Variants in SGPP1 observed in about 807,000 individuals in gnomAD.
SGPP1 encodes the protein hSPP1.
In SGPP1, 21 loss-of-function variants were observed where a neutral mutation model predicts 33.0. The ratio of observed to expected loss-of-function variants is 0.64; its 90% CI spans 0.45 to 0.92. The LOEUF (loss-of-function observed/expected upper bound fraction) is 0.92. Among genes scored for constraint, SGPP1 ranks in the 40% least tolerant of loss-of-function variants. SGPP1 has a pLI of 0.00. For synonymous variants in SGPP1, 239 were observed against 241.2 expected, an observed-to-expected ratio of 0.99 and a Z score of 0.08; for missense variants, 543 against 589.4, an observed-to-expected ratio of 0.92 and a Z score of 0.81.
At chr14:63,718,205 G>A (rs1885673168) in intron 1 of SGPP1, among the ~76,000 whole-genome samples, 1 of 150,844 alleles carries the variant, frequency 6.6e-6, no homozygotes, top group Admixed American at 6.6e-5. Context: ...CCAAGATTGG[G>A]CCACTGTATG....
intron 1 of SGPP1, among the ~76,000 whole-genome samples, chr14:63,720,965 C>T (rs907788397): frequency 6.6e-5 from 10 of 152,144 alleles, no homozygotes; most frequent in Non-Finnish European, 4.4e-5. Flanking sequence ...TTCAAGCAAC[C>T]TCTGCCTCCC....
intron 1 of SGPP1, among the ~76,000 whole-genome samples, chr14:63,709,374 CAAA>C (rs1206188352): frequency 4.6e-5 from 4 of 87,052 alleles, no homozygotes; most frequent in Admixed American, 1.2e-4. Flanking sequence ...GTCTCTGTCT[CAAA>C]AAAAAAAAAA....
intron 2 of SGPP1, among the ~76,000 whole-genome samples, chr14:63,690,425 A>G (rs1182803262): frequency 6.6e-6 from 1 of 152,230 alleles, no homozygotes; most frequent in East Asian, 1.9e-4. Flanking sequence ...CATTGTTCTA[A>G]AAGAGATATA....
chr14:63,686,183 C>G lies in SGPP1; in HGVS notation c.1248G>C (p.Arg416=). The part of the protein sequence containing the change: ...RQHMEVELPY[R]YITYGMVGFS... ...AACCAACCATTCCATAGGTAATATACCGATAAGGAAGTTCAACTTCCATGT... is the reference window on the plus strand; with the variant it reads ...AACCAACCATTCCATAGGTAATATAGCGATAAGGAAGTTCAACTTCCATGT... The change falls in exon 3 of 3, where the codon CGG becomes CGC. Residue 416 remains arginine (R), a synonymous_variant. Transcript: ENST00000247225. 6.2e-7 allele frequency: 1 copy of G among 1,613,766 alleles called. No individual in the cohort carries two copies. Among genetic ancestry groups the G allele is most frequent in the Non-Finnish European group, 8.5e-7 (1 of 1,179,784 alleles).
At chr14:63,688,857 G>A (rs1245718190) in intron 2 of SGPP1, among the ~76,000 whole-genome samples, 2 of 151,994 alleles carry the variant, frequency 1.3e-5, no homozygotes, top group Admixed American at 6.5e-5. Flanking sequence ...GAGTAGCTGG[G>A]ACTACAGGCG....
rs143911616 is a variant in SGPP1, at chr14:63,712,472, G to T, written c.685-13814C>A. ...GACCACAGCTACTTGGATCAGGAAT[G>T]AACACTTGGCACTAGGGAAGCAAAA... On this transcript the variant is annotated intron_variant, in intron 1 of 2. Coordinates refer to ENST00000247225, the MANE Select transcript of SGPP1 (RefSeq NM_030791.4). Among the ~76,000 whole-genome samples the T allele has an allele frequency of 7.4e-4, 113 of 152,172 alleles. 1 individual carries two copies. The East Asian group carries it at 0.013, about 17-fold the overall frequency.
At chr14:63,712,199 ATTT>A (rs1885536567) in intron 1 of SGPP1, among the ~76,000 whole-genome samples, 1 of 152,018 alleles carries the variant, frequency 6.6e-6, no homozygotes, top group Non-Finnish European at 1.5e-5. Flanking sequence ...TCTTTTTTTA[ATTT>A]ATTTTCTAAG....
At chr14:63,721,955 T>C (rs1184323725) in intron 1 of SGPP1, among the ~76,000 whole-genome samples, 6 of 152,202 alleles carry the variant, frequency 3.9e-5, no homozygotes, top group Admixed American at 2.6e-4. Flanking sequence ...AATACAATCA[T>C]ATATTTCAAA....
chr14:63,694,667 A>G (rs1229085043), intron 2 of SGPP1, among the ~76,000 whole-genome samples: 5 of 152,270 alleles, frequency 3.3e-5, no homozygotes, highest in Non-Finnish European at 7.3e-5. Flanking sequence ...ATATCAATAT[A>G]ATGGATAACA....
intron 2 of SGPP1, among the ~76,000 whole-genome samples, chr14:63,688,888 A>AT (rs933515158): frequency 6.6e-6 from 1 of 151,670 alleles, no homozygotes; most frequent in African/African-American, 2.4e-5. Context: ...TGCCCGACTA[A>AT]TTTTTTGTAT....
At chr14:63,724,986 T>A (rs557329335) in intron 1 of SGPP1, among the ~76,000 whole-genome samples, 48 of 150,112 alleles carry the variant, frequency 3.2e-4, no homozygotes, top group African/African-American at 1.2e-3. Flanking sequence ...ACCCCGACTC[T>A]TAGGGAAAAA....
intron 1 of SGPP1, among the ~76,000 whole-genome samples, chr14:63,717,709 T>C (rs910999686): frequency 6.6e-6 from 1 of 151,966 alleles, no homozygotes; most frequent in African/African-American, 2.4e-5. Flanking sequence ...CTTCCAAATA[T>C]AACGAAAACT....
At chr14:63,687,500 C>T (rs1885003665) in intron 2 of SGPP1, among the ~76,000 whole-genome samples, 1 of 152,054 alleles carries the variant, frequency 6.6e-6, no homozygotes. Context: ...TATGAAGAAA[C>T]TAAAACAGGA....
intron 2 of SGPP1, among the ~76,000 whole-genome samples, chr14:63,694,360 T>A (rs1295253237): frequency 6.6e-6 from 1 of 152,182 alleles, no homozygotes; most frequent in Non-Finnish European, 1.5e-5. Context: ...AAGAATTCTT[T>A]AAAATAATAA....
intron 2 of SGPP1, among the ~76,000 whole-genome samples, chr14:63,691,660 C>T (rs1383055312): frequency 6.6e-6 from 1 of 152,156 alleles, no homozygotes; most frequent in South Asian, 2.1e-4. Context: ...AATACTGATG[C>T]CTGGGACAAT....
chr14:63,706,545 TATA>T (rs1885411067), intron 1 of SGPP1, among the ~76,000 whole-genome samples: 1 of 152,204 alleles, frequency 6.6e-6, no homozygotes. Flanking sequence ...CCTGTATTAC[TATA>T]ATATGTGTCT....
Position 63,686,208 on chromosome 14 carries a change from T to C in SGPP1, c.1223A>G (p.His408Arg), listed in dbSNP as rs754632357. ...PCDDIRKARQ[H>R]MEVELPYRYI... ...CCGATAAGGAAGTTCAACTTCCATG[T>C]GCTGTCTTGCTTTTCGAATATCATC... is the stretch of plus-strand genomic sequence containing the variant. Residue 408 changes from histidine to arginine, a missense_variant, in exon 3 of 3, where the codon CAC becomes CGC. His to Arg is a conservative substitution (Grantham distance 29, BLOSUM62 0). Transcript: ENST00000247225. The C allele has an allele frequency of 2.0e-5, 32 of 1,614,012 alleles. 1 individual carries two copies. The South Asian group carries it at 3.2e-4, about 16-fold the overall frequency.
At chr14:63,706,829 G>A (rs1390359559) in intron 1 of SGPP1, among the ~76,000 whole-genome samples, 1 of 152,056 alleles carries the variant, frequency 6.6e-6, no homozygotes, top group East Asian at 1.9e-4. Flanking sequence ...GATCACCTCA[G>A]GTCAGGAGTT....
At position 63,686,394 on chromosome 14, in the gene SGPP1, G is replaced by A; in HGVS notation, c.1037C>T (p.Ser346Phe). ...TYNMGLVLDP[S>F]LDTLPLAGPP... The stretch of plus-strand genomic sequence containing the variant: ...CCCAGCTAAAGGTAATGTATCTAGA[G>A]AAGGATCTAATACTAGACCCATGTT... Residue 346 changes from serine (S) to phenylalanine (F), a missense_variant, in exon 3 of 3, where the codon TCT becomes TTT. Transcript: ENST00000247225. The A allele has an allele frequency of 1.2e-6, 2 of 1,614,142 alleles. No individual in the cohort carries two copies. Among genetic ancestry groups the A allele is most frequent in the South Asian group, 1.1e-5 (1 of 91,076 alleles).
Sources: gnomAD v4.1 joint callset for allele counts (sites outside exome capture counted in the v4.1 genomes callset) on GRCh38, gnomAD v4.1.1 for gene constraint, MANE v1.5 for transcripts, NCBI Gene and HGNC (gene_info 2026-07-23, HGNC 2026-07-21) for gene names.